Variants in OTOGL observed in about 807,000 individuals in gnomAD.
The protein encoded by OTOGL is otogelin like, also known as otogelin-like protein.
A neutral mutation model predicts 318.5 loss-of-function variants in OTOGL; 285 were observed. The observed-to-expected ratio is 0.89, with a 90% CI of 0.81 to 0.99. The LOEUF (loss-of-function observed/expected upper bound fraction) is 0.99, where lower values mean the gene tolerates loss of function less well. Among genes scored for constraint, OTOGL ranks in the 50% least tolerant of loss-of-function variants. The pLI, the probability that OTOGL is intolerant of heterozygous loss-of-function variation, is 0.00. For missense variants in OTOGL, 2,899 were observed against 2,845.6 expected, an observed-to-expected ratio of 1.02 and a Z score of -0.43; for synonymous variants, 987 against 936.5, an observed-to-expected ratio of 1.05 and a Z score of -0.99.
Position 80,377,923 on chromosome 12 carries a change from T to C in OTOGL, c.6937T>C (p.Phe2313Leu). The change falls in exon 59 of 59, where the codon TTC becomes CTC. Residue 2313 changes from phenylalanine to leucine, a missense_variant. Physicochemically the swap from Phe to Leu is conservative, Grantham distance 22. Coordinates refer to ENST00000547103, the MANE Select transcript of OTOGL (RefSeq NM_001378609.3). ...YNINIESHLRFCKCCRENGVR... is the reference protein window; with the variant it reads ...YNINIESHLRLCKCCRENGVR... ...CATCAATATTGAAAGTCACCTAAGA[T>C]TCTGCAAGTGTTGTCGTGAAAATGG... 2 of 1,611,192 alleles carry C rather than the reference T, an allele frequency of 1.2e-6. No individual in the cohort carries two copies. Among genetic ancestry groups the C allele is most frequent in the Non-Finnish European group, 1.7e-6 (2 of 1,178,282 alleles).
At chr12:80,368,147 G>A in intron 54 of OTOGL, 58 bp from the exon 55 acceptor site, 1 of 1,261,140 alleles carries the variant, frequency 7.9e-7, no homozygotes, top group South Asian at 1.3e-5. Flanking sequence ...TAACTCTCCA[G>A]AAGTAATTCA....
chr12:80,144,897 G>A (rs1872233217), intron 1 of OTOGL, among the ~76,000 whole-genome samples: 1 of 151,400 alleles, frequency 6.6e-6, no homozygotes, highest in South Asian at 2.1e-4. Context: ...ACTTTTTGAT[G>A]GGGTTGTTTG....
chr12:80,249,921 C>T (rs953613441), intron 11 of OTOGL, among the ~76,000 whole-genome samples: 1 of 152,062 alleles, frequency 6.6e-6, no homozygotes, highest in Non-Finnish European at 1.5e-5. Context: ...GGGAGTGACC[C>T]GATTTTCCAG....
intron 26 of OTOGL, among the ~76,000 whole-genome samples, chr12:80,296,451 G>C (rs7137929): frequency 0.63 from 95,014 of 151,992 alleles, 32,626 homozygotes; most frequent in East Asian, 0.9. Flanking sequence ...CAGAAATATC[G>C]TTTAAATAAA....
Position 80,238,778 on chromosome 12 carries a change from C to A in OTOGL, c.818-73C>A, listed in dbSNP as rs143662230. ...TGACCAGGAAGTTTGTGTTGAAGAA[C>A]CATGTCTGTTTGTGGAAAATGATAT... On this transcript the variant is annotated intron_variant, in intron 9 of 58. Transcript: ENST00000547103. 171 of 1,326,844 alleles carry A rather than the reference C, an allele frequency of 1.3e-4. 2 individuals are homozygous for A. In the East Asian group the frequency reaches 4.3e-3, roughly 33 times the overall value. The allele number at this position is 1,326,844 out of a possible 1,614,324, so 82.2% of individuals were successfully genotyped here.
intron 1 of OTOGL, among the ~76,000 whole-genome samples, chr12:80,207,537 A>T (rs1876905598): frequency 6.6e-6 from 1 of 152,190 alleles, no homozygotes. Context: ...TCAAGCAAAA[A>T]GTCAAACAGT....
At chr12:80,341,537 T>A (rs1888766635) in intron 43 of OTOGL, among the ~76,000 whole-genome samples, 1 of 152,160 alleles carries the variant, frequency 6.6e-6, no homozygotes, top group Non-Finnish European at 1.5e-5. Context: ...CAGGCAGAGT[T>A]TTCACAGGGA....
chr12:80,166,418 AT>A, intron 1 of OTOGL, among the ~76,000 whole-genome samples: 1 of 152,208 alleles, frequency 6.6e-6, no homozygotes, highest in East Asian at 1.9e-4. Context: ...TCTTGCTCTT[AT>A]TTTCAAAGAT....
chr12:80,233,098 G>A lies in OTOGL; in HGVS notation c.817+1G>A, dbSNP rs1257411816. On this transcript the variant is annotated splice_donor_variant, in intron 9 of 58. Coordinates refer to ENST00000547103, the MANE Select transcript of OTOGL (RefSeq NM_001378609.3). LOFTEE classifies it high-confidence loss of function. ...TCTGATGATTTCATAATTCTGCAAG[G>A]TAAGTGAAGCAGAATAAATGTGTGG... is the stretch of plus-strand genomic sequence containing the variant. 2 of 1,584,990 alleles carry A rather than the reference G, an allele frequency of 1.3e-6. No homozygotes were observed. The highest frequency in any genetic ancestry group is 1.7e-6 in the Non-Finnish European group (2 of 1,167,162).
At chr12:80,278,407 C>T in intron 25 of OTOGL, 132 bp downstream of exon 25, 1 of 696,534 alleles carries the variant, frequency 1.4e-6, no homozygotes, top group Admixed American at 2.8e-5. Flanking sequence ...TAAAGGCCTG[C>T]AGGAGTTGGT....
chr12:80,180,538 G>A (rs1161767874), intron 1 of OTOGL, among the ~76,000 whole-genome samples: 2 of 152,196 alleles, frequency 1.3e-5, no homozygotes, highest in African/African-American at 2.4e-5. Context: ...CAGTGCTATT[G>A]TACTTAAACA....
At chr12:80,108,789 A>ATATATATATGTGTATATATATG (rs1565863119) in intron 1 of OTOGL, among the ~76,000 whole-genome samples, 1 of 132,510 alleles carries the variant, frequency 7.5e-6, no homozygotes, top group African/African-American at 2.8e-5. Context: ...ATATATATGT[A>ATATATATATGTGTATATATATG]TATATATATA....
Position 80,296,721 on chromosome 12 carries a change from G to C in OTOGL, c.2929-106G>C, listed in dbSNP as rs1034592264. 60 of 896,658 alleles carry C rather than the reference G, an allele frequency of 6.7e-5. No individual in the cohort carries two copies. In the East Asian group the frequency reaches 8.7e-4, roughly 13 times the overall value. 55.5% of individuals were successfully genotyped at this position (896,658 alleles called of 1,614,324 possible). On this transcript the variant is annotated intron_variant, in intron 26 of 58. Transcript: ENST00000547103. ...TATTTTAGAGGTAAGTTGTTTTTCA[G>C]TTCTAATGCAATCCATTGTCAATAT...
At chr12:80,367,397 A>C (rs768648301) in intron 53 of OTOGL, among the ~76,000 whole-genome samples, 164 bp from the exon 54 acceptor site, 18 of 152,088 alleles carry the variant, frequency 1.2e-4, no homozygotes, top group Non-Finnish European at 2.5e-4. Flanking sequence ...CTACATTTTT[A>C]AGTAAATATT....
chr12:80,277,858 A>AT (rs1001083503), intron 24 of OTOGL, among the ~76,000 whole-genome samples: 3 of 151,138 alleles, frequency 2.0e-5, no homozygotes, highest in Non-Finnish European at 4.4e-5. Flanking sequence ...TCCTCTATAA[A>AT]TTTTTTTTCG....
At chr12:80,150,726 C>T (rs1015524543) in intron 1 of OTOGL, among the ~76,000 whole-genome samples, 1 of 152,162 alleles carries the variant, frequency 6.6e-6, no homozygotes, top group Non-Finnish European at 1.5e-5. Context: ...GCCCTTTCCC[C>T]AGGAAGATGT....
At chr12:80,273,656 G>T (rs1443915167) in intron 24 of OTOGL, among the ~76,000 whole-genome samples, 1 of 151,994 alleles carries the variant, frequency 6.6e-6, no homozygotes, top group Non-Finnish European at 1.5e-5. Context: ...GCCCAAACTT[G>T]CTTAAAGCAG....
rs1461241956 is a variant in OTOGL, at chr12:80,221,223, A to G, written c.335-868A>G. Among the ~76,000 whole-genome samples, 3 of 152,006 alleles carry G rather than the reference A, an allele frequency of 2.0e-5. No individual in the cohort carries two copies. In the East Asian group the frequency reaches 5.8e-4, roughly 29 times the overall value. ...CATGATTTAAGATAAATATTGCTTG[A>G]AATTTGGCCAGTTTGAGGTCATGAA... On this transcript the variant is annotated intron_variant, in intron 6 of 58. Transcript: ENST00000547103.
intron 22 of OTOGL, among the ~76,000 whole-genome samples, chr12:80,267,750 C>T (rs1429799372): frequency 1.3e-5 from 2 of 151,598 alleles, no homozygotes; most frequent in African/African-American, 4.8e-5. Flanking sequence ...ATATTATAAT[C>T]ATGTGATTGT....
Sources: allele counts gnomAD v4.1 joint callset (sites outside exome capture counted in the v4.1 genomes callset), GRCh38; gene constraint gnomAD v4.1.1; transcripts MANE v1.5; gene names NCBI Gene and HGNC (gene_info 2026-07-23, HGNC 2026-07-21).